The following SESTD1 variants were observed in gnomAD, a reference collection of about 807,000 sequenced individuals.
SESTD1 encodes SEC14 domain and spectrin repeat-containing protein 1.
Under a neutral mutation model 101.7 loss-of-function variants are expected in SESTD1, and 43 were observed. The observed-to-expected ratio is 0.42, with a 90% CI of 0.33 to 0.55. SESTD1 has a LOEUF of 0.55. Among genes scored for constraint, SESTD1 ranks in the 20% least tolerant of loss-of-function variants. The pLI, the probability that SESTD1 is intolerant of heterozygous loss-of-function variation, is 0.07. For missense variants in SESTD1, 647 were observed against 815.1 expected (o/e 0.79, Z 2.51); for synonymous variants, 283 against 286.8 (o/e 0.99, Z 0.13).
At chr2:179,127,715 C>T (rs1300203349) in intron 10 of SESTD1, among the ~76,000 whole-genome samples, 1 of 152,154 alleles carries the variant, frequency 6.6e-6, no homozygotes, top group Non-Finnish European at 1.5e-5. Flanking sequence ...ATGAGAAATC[C>T]TCCTATATCC....
intron 1 of SESTD1, among the ~76,000 whole-genome samples, chr2:179,262,083 T>C (rs1186023787): frequency 6.6e-6 from 1 of 152,186 alleles, no homozygotes; most frequent in Non-Finnish European, 1.5e-5. Flanking sequence ...GAATAAACCC[T>C]GAAAGCATTA....
chr2:179,212,013 A>T lies in SESTD1; in HGVS notation c.-25-20147T>A, dbSNP rs944567474. On this transcript the variant is annotated intron_variant, in intron 1 of 17. Transcript: ENST00000428443. ...ATCCCCAAAAACTATTGAAATAATT[A>T]AAAAATATCTTCCGTTCCAAGATGG... Among the ~76,000 whole-genome samples the T allele has an allele frequency of 8.9e-5, 12 of 134,976 alleles. 3 individuals carry two copies. The South Asian group carries it at 1.1e-3, about 13-fold the overall frequency. The allele number at this position is 134,976 out of a possible 152,430, so 88.5% of individuals were successfully genotyped here.
intron 2 of SESTD1, among the ~76,000 whole-genome samples, chr2:179,183,870 G>GAGGA (rs141982721): frequency 1.3e-5 from 2 of 148,670 alleles, no homozygotes; most frequent in African/African-American, 2.5e-5. Flanking sequence ...GAGAGACAGA[G>GAGGA]AGGAAGGAAG....
At chr2:179,231,625 AT>A (rs1279778672) in intron 1 of SESTD1, among the ~76,000 whole-genome samples, 2 of 151,822 alleles carry the variant, frequency 1.3e-5, no homozygotes, top group African/African-American at 4.8e-5. Flanking sequence ...GAAATCAAAC[AT>A]AAGTCATTAA....
intron 9 of SESTD1, among the ~76,000 whole-genome samples, chr2:179,143,222 A>G (rs2045319391): frequency 6.6e-6 from 1 of 152,164 alleles, no homozygotes; most frequent in Non-Finnish European, 1.5e-5. Context: ...TTAGGATAGA[A>G]ATACTCTTTG....
At chr2:179,258,174 C>T in intron 1 of SESTD1, among the ~76,000 whole-genome samples, 1 of 152,148 alleles carries the variant, frequency 6.6e-6, no homozygotes, top group Admixed American at 6.6e-5. Flanking sequence ...AGAAAAGATG[C>T]AACGTCAGTG....
intron 1 of SESTD1, among the ~76,000 whole-genome samples, chr2:179,239,776 C>T (rs1559157538): frequency 6.6e-6 from 1 of 152,202 alleles, no homozygotes; most frequent in Admixed American, 6.5e-5. Context: ...CATTTAACTA[C>T]ATGCAAACCT....
chr2:179,250,177 T>TA (rs757029892), intron 1 of SESTD1, among the ~76,000 whole-genome samples: 50 of 148,792 alleles, frequency 3.4e-4, no homozygotes, highest in Non-Finnish European at 4.9e-4. Flanking sequence ...ACCCAACAGT[T>TA]AAAAAAAAAA....
intron 1 of SESTD1, among the ~76,000 whole-genome samples, chr2:179,231,886 G>A (rs1386351800): frequency 6.6e-6 from 1 of 152,002 alleles, no homozygotes; most frequent in Non-Finnish European, 1.5e-5. Context: ...GTTAGAAGCT[G>A]CAATTCACAT....
chr2:179,115,496 C>G (rs911741807), intron 15 of SESTD1, among the ~76,000 whole-genome samples: 6 of 151,934 alleles, frequency 3.9e-5, no homozygotes, highest in Non-Finnish European at 8.8e-5. Flanking sequence ...GCCTGTAATC[C>G]CAGCACTTTG....
At chr2:179,241,813 T>C (rs943305753) in intron 1 of SESTD1, among the ~76,000 whole-genome samples, 1 of 151,222 alleles carries the variant, frequency 6.6e-6, no homozygotes, top group African/African-American at 2.4e-5. Flanking sequence ...TCCCAGCTAC[T>C]GGAGAGGCTG....
intron 1 of SESTD1, among the ~76,000 whole-genome samples, chr2:179,224,516 C>T (rs1205264493): frequency 1.3e-5 from 2 of 152,168 alleles, no homozygotes; most frequent in Non-Finnish European, 2.9e-5. Flanking sequence ...TGCTAAGTGT[C>T]TTTTGTATGC....
At chr2:179,126,746 C>A (rs937805678) in intron 10 of SESTD1, among the ~76,000 whole-genome samples, 2 of 152,112 alleles carry the variant, frequency 1.3e-5, no homozygotes, top group Non-Finnish European at 2.9e-5. Flanking sequence ...TGGATGACTA[C>A]TAGATATCTA....
chr2:179,147,361 TTTTG>T (rs954447637), intron 7 of SESTD1, among the ~76,000 whole-genome samples: 1 of 143,654 alleles, frequency 7.0e-6, no homozygotes, highest in African/African-American at 3.0e-5. Flanking sequence ...ATGTTTGTTT[TTTTG>T]TTTTTTTTTT....
chr2:179,257,910 G>A (rs1173331343), intron 1 of SESTD1, among the ~76,000 whole-genome samples: 3 of 152,114 alleles, frequency 2.0e-5, no homozygotes, highest in East Asian at 3.8e-4. Flanking sequence ...TCAAAATATA[G>A]GAGACACATA....
chr2:179,221,375 G>C (rs2046812243), intron 1 of SESTD1, among the ~76,000 whole-genome samples: 1 of 151,700 alleles, frequency 6.6e-6, no homozygotes, highest in Non-Finnish European at 1.5e-5. Context: ...CACTTTGGGA[G>C]GCCGAGGCAG....
chr2:179,180,181 G>A (rs2046082983), intron 3 of SESTD1, among the ~76,000 whole-genome samples: 1 of 152,042 alleles, frequency 6.6e-6, no homozygotes, highest in African/African-American at 2.4e-5. Context: ...ACTGTGCTAG[G>A]TTACCCACTT....
intron 10 of SESTD1, 65 bp downstream of exon 10, chr2:179,132,239 A>C (rs1049815270): frequency 5.2e-5 from 77 of 1,481,584 alleles, no homozygotes; most frequent in Non-Finnish European, 6.3e-5. Flanking sequence ...ACTCAGTACC[A>C]CATATGCTAC....
intron 5 of SESTD1, among the ~76,000 whole-genome samples, chr2:179,160,283 T>A (rs2045710063): frequency 6.6e-6 from 1 of 152,192 alleles, no homozygotes; most frequent in African/African-American, 2.4e-5. Flanking sequence ...TTCATTTTCA[T>A]CCTATGATTC....
Sources: gnomAD v4.1 joint callset for allele counts (sites outside exome capture counted in the v4.1 genomes callset) on GRCh38, gnomAD v4.1.1 for gene constraint, MANE v1.5 for transcripts, NCBI Gene and HGNC (gene_info 2026-07-23, HGNC 2026-07-21) for gene names.